The following IMPG2 variants were observed in gnomAD, a reference collection of about 807,000 sequenced individuals.
IMPG2 encodes interphotoreceptor matrix proteoglycan 2, also known as IPM 200.
In IMPG2, 91 loss-of-function variants were observed where a neutral mutation model predicts 129.2. That is an observed-to-expected ratio of 0.70 (90% CI 0.59 to 0.84). The LOEUF is 0.84. Among genes scored for constraint, IMPG2 ranks in the 40% least tolerant of loss-of-function variants. The pLI is 0.00. For missense variants in IMPG2, 1,430 were observed against 1,461.7 expected, an observed-to-expected ratio of 0.98 and a Z score of 0.35; for synonymous variants, 510 against 517.7, an observed-to-expected ratio of 0.99 and a Z score of 0.20.
At chr3:101,233,919 G>A (rs1237057480) in intron 14 of IMPG2, among the ~76,000 whole-genome samples, 1 of 152,010 alleles carries the variant, frequency 6.6e-6, no homozygotes, top group Non-Finnish European at 1.5e-5. Flanking sequence ...AATAATGGAA[G>A]GATCTACATA....
At position 101,270,799 on chromosome 3, in the gene IMPG2, A is replaced by T. The variant is rs144978229; in HGVS notation, c.829-1226T>A. ...TGGGCGACATACTCCGTCTCAAAAA[A>T]AATAATAATAATCAGGTTAGGCAAA... is the stretch of plus-strand genomic sequence containing the variant. On this transcript the variant is annotated intron_variant, in intron 7 of 18. Transcript: ENST00000193391. Among the ~76,000 whole-genome samples, 319 of 152,238 alleles carry T rather than the reference A, an allele frequency of 2.1e-3. 3 individuals are homozygous for T. The highest frequency in any genetic ancestry group is 0.016 in the South Asian group (77 of 4,816).
intron 3 of IMPG2, among the ~76,000 whole-genome samples, chr3:101,303,850 ATAT>A (rs1158534501): frequency 1.3e-5 from 2 of 152,222 alleles, no homozygotes; most frequent in African/African-American, 2.4e-5. Flanking sequence ...CCTTTGCTGA[ATAT>A]TATTTCCAAA....
At chr3:101,244,879 G>T in intron 12 of IMPG2, 92 bp from the exon 13 acceptor site, 2 of 1,079,964 alleles carry the variant, frequency 1.9e-6, no homozygotes, top group Non-Finnish European at 2.8e-6. Context: ...TTTTTTCCCT[G>T]TGAAGTTAAG....
intron 3 of IMPG2, among the ~76,000 whole-genome samples, chr3:101,298,280 CTA>C (rs776261692): frequency 7.3e-5 from 11 of 151,572 alleles, no homozygotes; most frequent in Non-Finnish European, 1.6e-4. Context: ...TATTTTGAGC[CTA>C]TGTGTGTCTT....
chr3:101,298,432 T>C (rs1218035604), intron 3 of IMPG2, among the ~76,000 whole-genome samples: 1 of 152,258 alleles, frequency 6.6e-6, no homozygotes, highest in Non-Finnish European at 1.5e-5. Context: ...AATTTGATTA[T>C]GTCATCATGA....
At chr3:101,311,179 T>TAAAA (rs34222157) in intron 2 of IMPG2, among the ~76,000 whole-genome samples, 1 of 142,796 alleles carries the variant, frequency 7.0e-6, no homozygotes, top group Non-Finnish European at 1.5e-5. Flanking sequence ...TACAACTAGG[T>TAAAA]AAAAAAAAAA....
At chr3:101,266,738 C>A (rs1455549904) in intron 9 of IMPG2, among the ~76,000 whole-genome samples, 1 of 152,134 alleles carries the variant, frequency 6.6e-6, no homozygotes, top group Non-Finnish European at 1.5e-5. Context: ...CTTGAGATAG[C>A]CACTGGAACA....
rs533028803 is a variant in IMPG2 at position 101,310,674 on chromosome 3, C to T, written c.335-6362G>A. 6.3e-4 allele frequency among the ~76,000 whole-genome samples: 95 copies of T among 151,572 alleles called. No individual in the cohort carries two copies. The South Asian group carries it at 8.5e-3, about 14-fold the overall frequency. On this transcript the variant is annotated intron_variant, in intron 2 of 18. Coordinates refer to ENST00000193391, the MANE Select transcript of IMPG2 (RefSeq NM_016247.4). ...TAAGCTGTGAGAATATGAGTGTTTACGACATCATTCTTTCACTTTTCTGTT... is the reference window on the plus strand; with the variant it reads ...TAAGCTGTGAGAATATGAGTGTTTATGACATCATTCTTTCACTTTTCTGTT...
Position 101,320,481 on chromosome 3 carries a change from G to C in IMPG2, c.-109C>G, listed in dbSNP as rs1020396601. ...TATAGGAAAGACCTAACATTTAAAAGTCTATGTTTGAGAATGAACAACCAC... is the reference window on the plus strand; with the variant it reads ...TATAGGAAAGACCTAACATTTAAAACTCTATGTTTGAGAATGAACAACCAC... On this transcript the variant is annotated 5_prime_UTR_variant, in exon 1 of 19. Coordinates refer to ENST00000193391, the MANE Select transcript of IMPG2 (RefSeq NM_016247.4). 6 of 720,608 alleles carry C rather than the reference G, an allele frequency of 8.3e-6. No homozygotes were observed. Among genetic ancestry groups the C allele is most frequent in the South Asian group, 1.6e-5 (1 of 62,278 alleles). 44.6% of individuals were successfully genotyped at this position (720,608 alleles called of 1,614,324 possible). A position where few individuals can be genotyped will look rare whatever the true frequency, so the allele number is the denominator to read the frequency against.
At chr3:101,231,759 C>G (rs1706290546) in intron 15 of IMPG2, among the ~76,000 whole-genome samples, 1 of 152,218 alleles carries the variant, frequency 6.6e-6, no homozygotes, top group South Asian at 2.1e-4. Context: ...CCTCTACTTT[C>G]TGTTTCTCCT....
chr3:101,244,580 G>C lies in IMPG2; in HGVS notation c.1751C>G (p.Pro584Arg). ...TTCCATGGATGCATCTGGCAGGAAAGGGCTCACTTTTAATTGGTCTTTGAC... is the reference window on the plus strand; with the variant it reads ...TTCCATGGATGCATCTGGCAGGAAACGGCTCACTTTTAATTGGTCTTTGAC... Reference protein sequence around the residue: ...SKVKDQLKVSPFLPDASMEKE... With the variant: ...SKVKDQLKVSRFLPDASMEKE... Residue 584 changes from proline (P) to arginine (R), a missense_variant, in exon 13 of 19, where the codon CCT (proline) becomes CGT (arginine). By Grantham distance (103) the Pro-to-Arg change is moderately radical. Coordinates refer to ENST00000193391, the MANE Select transcript of IMPG2 (RefSeq NM_016247.4). The C allele has an allele frequency of 6.3e-7, 1 of 1,594,152 alleles. No homozygotes were observed. The highest frequency in any genetic ancestry group is 8.5e-7 in the Non-Finnish European group (1 of 1,170,912).
intron 4 of IMPG2, among the ~76,000 whole-genome samples, chr3:101,277,209 T>A (rs2107254296): frequency 6.6e-6 from 1 of 152,306 alleles, no homozygotes; most frequent in Admixed American, 6.5e-5. Context: ...GTAAAGAACA[T>A]TTCCATCACC....
intron 5 of IMPG2, 93 bp downstream of exon 5, chr3:101,276,571 A>G: frequency 1.2e-6 from 1 of 821,950 alleles, no homozygotes; most frequent in Non-Finnish European, 2.0e-6. Flanking sequence ...GATATTTTTA[A>G]AAGGTAAGCT....
chr3:101,297,523 C>T (rs1429778152), intron 3 of IMPG2, among the ~76,000 whole-genome samples: 2 of 152,156 alleles, frequency 1.3e-5, no homozygotes, highest in African/African-American at 4.8e-5. Flanking sequence ...CCTGCTTTCT[C>T]TTGTGGGCAT....
intron 3 of IMPG2, among the ~76,000 whole-genome samples, chr3:101,299,553 T>C (rs967773981): frequency 8.5e-5 from 13 of 152,182 alleles, no homozygotes; most frequent in African/African-American, 2.9e-4. Context: ...TCCTTGAGGA[T>C]GCTGACCCTT....
rs552692629 is a variant in IMPG2, at chr3:101,308,713, C to T, written c.335-4401G>A. Reference sequence around the variant, plus strand: ...TTGGTGATTAACATTTGGCTTATTACTACTTATGCAAATTTCTGCAACCAG... The same window carrying T: ...TTGGTGATTAACATTTGGCTTATTATTACTTATGCAAATTTCTGCAACCAG... On this transcript the variant is annotated intron_variant, in intron 2 of 18. Coordinates refer to ENST00000193391, the MANE Select transcript of IMPG2 (RefSeq NM_016247.4). 1.6e-4 allele frequency among the ~76,000 whole-genome samples: 25 copies of T among 152,362 alleles called. No homozygotes were observed. The South Asian group carries it at 3.7e-3, about 23-fold the overall frequency.
At chr3:101,242,304 T>C (rs530687952) in intron 14 of IMPG2, among the ~76,000 whole-genome samples, 24 of 152,306 alleles carry the variant, frequency 1.6e-4, no homozygotes, top group African/African-American at 4.3e-4. Flanking sequence ...TGGAGAGTTA[T>C]TGACATTTAT....
intron 3 of IMPG2, among the ~76,000 whole-genome samples, chr3:101,302,071 C>T (rs561533129): frequency 2.1e-4 from 32 of 152,260 alleles, no homozygotes; most frequent in Middle Eastern, 3.4e-3. Flanking sequence ...CTCGTGCTGT[C>T]CTTTCTGCCT....
At position 101,230,962 on chromosome 3, in the gene IMPG2, G is replaced by C. The variant is rs759836540; in HGVS notation, c.3417C>G (p.Pro1139=). 6 of 1,611,394 alleles carry C rather than the reference G, an allele frequency of 3.7e-6. No homozygotes were observed. Among genetic ancestry groups the C allele is most frequent in the South Asian group, 1.1e-5 (1 of 91,034 alleles). The change falls in exon 16 of 19, where the codon CCC becomes CCG. Residue 1139 remains proline (P), a synonymous_variant. Coordinates refer to ENST00000193391, the MANE Select transcript of IMPG2 (RefSeq NM_016247.4). ...AHHDRSERES[P]FSGSSRQPDS... Reference sequence around the variant, plus strand: ...GAGCTCTTTTCCTTATTTACCTGAAGGGACTCTCTCTTTCACTCCTGTCAT... The same window carrying C: ...GAGCTCTTTTCCTTATTTACCTGAACGGACTCTCTCTTTCACTCCTGTCAT...
Sources: gnomAD v4.1 joint callset for allele counts (sites outside exome capture counted in the v4.1 genomes callset) on GRCh38, gnomAD v4.1.1 for gene constraint, MANE v1.5 for transcripts, NCBI Gene and HGNC (gene_info 2026-07-23, HGNC 2026-07-21) for gene names.